CHRNA5: variants seen among roughly 807,000 people sequenced by gnomAD.
The protein encoded by CHRNA5 is cholinergic receptor nicotinic alpha 5 subunit.
Under a neutral mutation model 41.2 loss-of-function variants are expected in CHRNA5, and 28 were observed. That is an observed-to-expected ratio of 0.68 (90% confidence interval 0.50 to 0.93). The LOEUF is 0.93. Among genes scored for constraint, CHRNA5 ranks in the 40% least tolerant of loss-of-function variants. The pLI is 0.00. For missense variants in CHRNA5, 481 were observed against 581.9 expected, an observed-to-expected ratio of 0.83 and a Z score of 1.78; for synonymous variants, 188 against 205.8, an observed-to-expected ratio of 0.91 and a Z score of 0.74.
intron 1 of CHRNA5, among the ~76,000 whole-genome samples, chr15:78,576,809 A>C (rs912508619): frequency 6.6e-6 from 1 of 151,754 alleles, no homozygotes; most frequent in African/African-American, 2.4e-5. Context: ...AAAAAAAAAA[A>C]AAAACAAAAA....
intron 1 of CHRNA5, among the ~76,000 whole-genome samples, chr15:78,572,694 A>G (rs1183353066): frequency 2.0e-5 from 3 of 151,968 alleles, no homozygotes; most frequent in African/African-American, 4.8e-5. Flanking sequence ...TGTTGGTCAT[A>G]CTGGTCTCGA....
intron 2 of CHRNA5, 32 bp from the exon 3 acceptor site, chr15:78,586,613 A>G: frequency 7.9e-7 from 1 of 1,267,078 alleles, no homozygotes; most frequent in South Asian, 1.3e-5. Context: ...TGTAATTGAA[A>G]TCAATCTTAT....
exon 6 of CHRNA5, chr15:78,593,302 G>T: frequency 6.7e-7 from 1 of 1,487,344 alleles, no homozygotes. Context: ...ACATATATCT[G>T]ATGGCACCTA....
chr15:78,567,417 T>C (rs2052760448), intron 1 of CHRNA5, among the ~76,000 whole-genome samples: 2 of 152,172 alleles, frequency 1.3e-5, no homozygotes, highest in African/African-American at 4.8e-5. Context: ...ACTTTAAAAA[T>C]CTGTTTCATG....
chr15:78,573,453 C>G (rs1396388186), intron 1 of CHRNA5, among the ~76,000 whole-genome samples: 5 of 152,182 alleles, frequency 3.3e-5, no homozygotes, highest in Non-Finnish European at 7.4e-5. Context: ...GGCACCAGGT[C>G]TTCGTTTTCT....
At chr15:78,572,214 C>G (rs975068257) in intron 1 of CHRNA5, among the ~76,000 whole-genome samples, 3 of 152,056 alleles carry the variant, frequency 2.0e-5, no homozygotes, top group Non-Finnish European at 4.4e-5. Flanking sequence ...AAATGTGCGC[C>G]CCCTTGACTC....
At chr15:78,584,345 C>T (rs975276955) in intron 2 of CHRNA5, among the ~76,000 whole-genome samples, 2 of 151,932 alleles carry the variant, frequency 1.3e-5, no homozygotes, top group African/African-American at 4.8e-5. Context: ...ATACGATTAC[C>T]CCTGAAACTC....
At chr15:78,570,517 G>A (rs896310809) in intron 1 of CHRNA5, among the ~76,000 whole-genome samples, 24 of 139,792 alleles carry the variant, frequency 1.7e-4, no homozygotes, top group African/African-American at 3.5e-4. Flanking sequence ...TGATCCGCCC[G>A]CCTTGGCTTC....
intron 1 of CHRNA5, among the ~76,000 whole-genome samples, chr15:78,577,775 A>G (rs1166709496): frequency 6.6e-6 from 1 of 151,988 alleles, no homozygotes; most frequent in East Asian, 1.9e-4. Context: ...TCTACCAAAA[A>G]TACAAAACAT....
intron 1 of CHRNA5, among the ~76,000 whole-genome samples, chr15:78,574,380 C>A (rs1320637061): frequency 1.4e-3 from 172 of 123,164 alleles, no homozygotes; most frequent in Non-Finnish European, 1.7e-3. Context: ...AACGCTGTCT[C>A]AAAAAAAAAA....
intron 1 of CHRNA5, among the ~76,000 whole-genome samples, chr15:78,570,733 T>A (rs1338361916): frequency 2.0e-5 from 3 of 152,200 alleles, no homozygotes; most frequent in Admixed American, 2.0e-4. Flanking sequence ...TGGTTTTATT[T>A]TCATTTTTAT....
intron 1 of CHRNA5, among the ~76,000 whole-genome samples, chr15:78,571,229 A>G (rs1031869899): frequency 6.6e-6 from 1 of 152,246 alleles, no homozygotes; most frequent in Non-Finnish European, 1.5e-5. Context: ...AGCCGATGAA[A>G]GTAATTATGG....
intron 2 of CHRNA5, among the ~76,000 whole-genome samples, chr15:78,582,550 T>A (rs1346157710): frequency 1.3e-5 from 2 of 151,262 alleles, no homozygotes; most frequent in African/African-American, 4.9e-5. Context: ...ATCTTTCTGG[T>A]TGAGGTCATT....
intron 1 of CHRNA5, among the ~76,000 whole-genome samples, chr15:78,577,430 C>T (rs2052868959): frequency 6.6e-6 from 1 of 152,186 alleles, no homozygotes; most frequent in African/African-American, 2.4e-5. Context: ...CTGGACACTG[C>T]TGTAAAGTGT....
At chr15:78,587,621 A>C (rs987996711) in intron 3 of CHRNA5, among the ~76,000 whole-genome samples, 1 of 152,092 alleles carries the variant, frequency 6.6e-6, no homozygotes, top group Non-Finnish European at 1.5e-5. Flanking sequence ...GGCCACTGCA[A>C]GGATTCTGAC....
chr15:78,585,001 C>T (rs1015695617), intron 2 of CHRNA5, among the ~76,000 whole-genome samples: 1 of 152,142 alleles, frequency 6.6e-6, no homozygotes, highest in African/African-American at 2.4e-5. Flanking sequence ...CTCACTACAA[C>T]CTCTGCCTTC....
At chr15:78,587,276 A>C (rs2052969143) in intron 3 of CHRNA5, among the ~76,000 whole-genome samples, 1 of 152,184 alleles carries the variant, frequency 6.6e-6, no homozygotes, top group Non-Finnish European at 1.5e-5. Context: ...GAAGCTGATA[A>C]GCTTGGGGAA....
In CHRNA5 at chr15:78,588,448, T is replaced by G. The variant is rs201138933; in HGVS notation, c.413+25T>G. On this transcript the variant is annotated intron_variant, in intron 4 of 5. Coordinates refer to ENST00000299565, the Ensembl canonical transcript of CHRNA5. The surrounding 1 kb of genome is among the most constrained non-coding windows in gnomAD (Gnocchi z 4.1). ...AGTAAGTTATATTCTAAATATAGTT[T>G]TATATTTTCAAAAGAAAACATTTGT... 11 of 1,117,566 alleles carry G rather than the reference T, an allele frequency of 9.8e-6. No individual in the cohort carries two copies. Among genetic ancestry groups the G allele is most frequent in the Non-Finnish European group, 1.4e-5 (11 of 793,818 alleles). 69.2% of individuals were successfully genotyped at this position (1,117,566 alleles called of 1,614,324 possible).
intron 1 of CHRNA5, among the ~76,000 whole-genome samples, chr15:78,578,495 AGACTCCGTCT>A (rs2052879731): frequency 6.6e-6 from 1 of 152,248 alleles, no homozygotes; most frequent in African/African-American, 2.4e-5. Flanking sequence ...TGACAGAGTG[AGACTCCGTCT>A]CAAGATAAAT....
Sources: gnomAD v4.1 joint callset for allele counts (sites outside exome capture counted in the v4.1 genomes callset) on GRCh38, gnomAD v4.1.1 for gene constraint, Gnocchi (gnomAD v3.1) non-coding constraint, MANE v1.5 for transcripts, NCBI Gene and HGNC (gene_info 2026-07-23, HGNC 2026-07-21) for gene names.